Variants in TENT5D observed in about 807,000 individuals in gnomAD.
The protein encoded by TENT5D is terminal nucleotidyltransferase 5D, also known as cancer/testis antigen 112.
For missense variants in TENT5D, 191 were observed against 287.0 expected (o/e 0.67, Z 2.42); for synonymous variants, 103 against 100.6 (o/e 1.02, Z -0.15).
In TENT5D at chrX:80,440,549, G is replaced by A. The variant is rs532808453; in HGVS notation, c.-19+1817G>A. Among the ~76,000 whole-genome samples, 36 of 110,631 alleles carry A rather than the reference G, an allele frequency of 3.3e-4. No individual in the cohort carries two copies. The South Asian group carries it at 0.012, about 38-fold the overall frequency. On this transcript the variant is annotated intron_variant, in intron 2 of 2. Transcript: ENST00000308293. ...TTTGGGAAAGAATTTCGTAATTTCA[G>A]TAATGTCAATATAGCAAGATAAATG...
In TENT5D at chrX:80,362,187, G is replaced by A. The variant is rs191689297; in HGVS notation, c.-142+19623G>A. Among the ~76,000 whole-genome samples the A allele has an allele frequency of 5.5e-5, 6 of 109,612 alleles. No homozygotes were observed. In the East Asian group the frequency reaches 1.1e-3, roughly 21 times the overall value. On this transcript the variant is annotated intron_variant, in intron 3 of 4. Transcript: ENST00000538312. Reference sequence around the variant, plus strand: ...TTATCTTTTTTTTTTTTCTTGAGACGGAGTCTTGCTCTGTTGCCCAGGATG... The same window carrying A: ...TTATCTTTTTTTTTTTTCTTGAGACAGAGTCTTGCTCTGTTGCCCAGGATG...
intron 3 of TENT5D, among the ~76,000 whole-genome samples, chrX:80,349,630 T>C (rs1930136352): frequency 1.8e-5 from 2 of 111,100 alleles, no homozygotes; most frequent in Admixed American, 9.6e-5. Context: ...TTTTGAAGGG[T>C]TTCTCGTGTC....
chrX:80,351,866 T>C (rs1930184562), intron 3 of TENT5D, among the ~76,000 whole-genome samples: 1 of 112,205 alleles, frequency 8.9e-6, no homozygotes, highest in African/African-American at 3.2e-5. Context: ...GTTGATGTTA[T>C]TGCTTTCTGT....
At chrX:80,398,772 C>CT (rs202050270) in intron 3 of TENT5D, among the ~76,000 whole-genome samples, 3,866 of 105,285 alleles carry the variant, frequency 0.037, 183 homozygotes, top group African/African-American at 0.12. Flanking sequence ...ATCTATGTGT[C>CT]TTTTTTTTTT....
chrX:80,412,940 C>CTA (rs1051616420), intron 3 of TENT5D, among the ~76,000 whole-genome samples: 2 of 106,481 alleles, frequency 1.9e-5, no homozygotes, highest in African/African-American at 7.1e-5. Flanking sequence ...TTTGGTGTTA[C>CTA]TATATTTTTT....
intron 3 of TENT5D, among the ~76,000 whole-genome samples, chrX:80,412,593 ATC>A (rs1442033126): frequency 1.8e-5 from 2 of 111,654 alleles, no homozygotes; most frequent in Non-Finnish European, 3.8e-5. Flanking sequence ...ACCGTAAATC[ATC>A]TCTCTCAAGT....
exon 3 of TENT5D, chrX:80,444,012 A>T: frequency 4.6e-6 from 1 of 218,805 alleles, no homozygotes; most frequent in Non-Finnish European, 8.9e-6. Flanking sequence ...TGACTTTCAA[A>T]TTTACTGTGA....
intron 3 of TENT5D, among the ~76,000 whole-genome samples, chrX:80,361,966 C>T (rs767895046): frequency 2.7e-5 from 3 of 110,206 alleles, no homozygotes; most frequent in African/African-American, 9.9e-5. Flanking sequence ...GTTTTTTATC[C>T]CTTTCTCCTC....
intron 3 of TENT5D, among the ~76,000 whole-genome samples, chrX:80,410,459 A>T (rs1931630930): frequency 1.2e-5 from 1 of 86,503 alleles, no homozygotes; most frequent in South Asian, 6.9e-4. Context: ...TTCTCAAAAG[A>T]AGACATTTAT....
At chrX:80,387,036 T>C (rs1002401224) in intron 3 of TENT5D, among the ~76,000 whole-genome samples, 6 of 112,461 alleles carry the variant, frequency 5.3e-5, no homozygotes, top group Non-Finnish European at 1.1e-4. Flanking sequence ...AATGGATAAT[T>C]TCATAAGTAT....
chrX:80,350,485 G>C (rs1451796467), intron 3 of TENT5D, among the ~76,000 whole-genome samples: 1 of 108,187 alleles, frequency 9.2e-6, no homozygotes, highest in African/African-American at 3.4e-5. Flanking sequence ...GCTTTTTTTT[G>C]CTTTCCATTT....
At chrX:80,375,454 A>T (rs749566539) in intron 3 of TENT5D, among the ~76,000 whole-genome samples, 1 of 111,366 alleles carries the variant, frequency 9.0e-6, no homozygotes, top group South Asian at 3.8e-4. Flanking sequence ...CTCAATAAGC[A>T]TGTGGTTTGC....
Position 80,379,110 on chromosome X carries a change from ATTCTCT to A in TENT5D, c.-142+36548_-142+36553del, listed in dbSNP as rs1326467789. 2.5e-4 allele frequency among the ~76,000 whole-genome samples: 25 copies of A among 101,861 alleles called. No individual in the cohort carries two copies. The East Asian group carries it at 7.9e-3, about 32-fold the overall frequency. 88.5% of individuals were successfully genotyped at this position (101,861 alleles called of 115,157 possible). ...GAATTTTGTCGAAGGCCTTTTCTGC[ATTCTCT>A]TGCAGAAAAGGCCTTTTCTGCATTC... is the stretch of plus-strand genomic sequence containing the variant. On this transcript the variant is annotated intron_variant, in intron 3 of 4. Transcript: ENST00000538312.
At chrX:80,378,078 G>A (rs1930771483) in intron 3 of TENT5D, among the ~76,000 whole-genome samples, 2 of 111,676 alleles carry the variant, frequency 1.8e-5, no homozygotes, top group Non-Finnish European at 3.8e-5. Context: ...CTTTTTGATG[G>A]GGTTGTTTGA....
chrX:80,440,809 G>A (rs1312973889), intron 2 of TENT5D, among the ~76,000 whole-genome samples: 1 of 110,729 alleles, frequency 9.0e-6, no homozygotes, highest in Non-Finnish European at 1.9e-5. Context: ...ATATTTATTA[G>A]GTAAATTGTT....
chrX:80,379,119 C>T (rs760155706), intron 3 of TENT5D, among the ~76,000 whole-genome samples: 9 of 100,651 alleles, frequency 8.9e-5, no homozygotes, highest in Admixed American at 2.1e-4. Flanking sequence ...CATTCTCTTG[C>T]AGAAAAGGCC....
At chrX:80,343,692 G>A (rs1437150937) in intron 3 of TENT5D, among the ~76,000 whole-genome samples, 1 of 111,248 alleles carries the variant, frequency 9.0e-6, no homozygotes, top group East Asian at 2.8e-4. Context: ...GAGCCACCGC[G>A]CCTGGCCCAT....
At chrX:80,388,006 C>T (rs1931053824) in intron 3 of TENT5D, among the ~76,000 whole-genome samples, 1 of 111,446 alleles carries the variant, frequency 9.0e-6, no homozygotes, top group African/African-American at 3.3e-5. Context: ...CCCTGCTGGC[C>T]ACCACTTCCC....
intron 3 of TENT5D, among the ~76,000 whole-genome samples, chrX:80,380,378 A>G (rs1329525684): frequency 9.0e-6 from 1 of 111,097 alleles, no homozygotes; most frequent in African/African-American, 3.3e-5. Context: ...TTTGCTTCCA[A>G]CTATGTGGTC....
Sources: allele counts gnomAD v4.1 joint callset (sites outside exome capture counted in the v4.1 genomes callset), GRCh38; gene constraint gnomAD v4.1.1; transcripts MANE v1.5; gene names NCBI Gene and HGNC (gene_info 2026-07-23, HGNC 2026-07-21).